TMEM170B: variants seen among roughly 807,000 people sequenced by gnomAD.
TMEM170B encodes the protein transmembrane protein 170B.
A neutral mutation model predicts 13.0 loss-of-function variants in TMEM170B; 6 were observed. The ratio of observed to expected loss-of-function variants is 0.46; its 90% CI spans 0.25 to 0.91. The LOEUF (loss-of-function observed/expected upper bound fraction) is 0.91, where lower values mean the gene tolerates loss of function less well. Ranked by LOEUF, TMEM170B falls within the 40% of genes least tolerant of loss-of-function variation. The pLI is 0.17. For synonymous variants in TMEM170B, 61 were observed against 64.9 expected (o/e 0.94, Z 0.29); for missense variants, 138 against 165.2 (o/e 0.84, Z 0.90).
chr6:11,542,756 C>T (rs1423055655), intron 1 of TMEM170B, among the ~76,000 whole-genome samples: 1 of 152,192 alleles, frequency 6.6e-6, no homozygotes, highest in African/African-American at 2.4e-5. Flanking sequence ...CATTAGTTAA[C>T]AGATGCTGCC....
chr6:11,547,598 G>A (rs143759109), intron 1 of TMEM170B, among the ~76,000 whole-genome samples: 1 of 152,176 alleles, frequency 6.6e-6, no homozygotes, highest in African/African-American at 2.4e-5. Context: ...GCCTTCATAG[G>A]ATTTAACTTC....
intron 1 of TMEM170B, among the ~76,000 whole-genome samples, chr6:11,559,692 T>A (rs142102303): frequency 1.2e-4 from 18 of 152,166 alleles, no homozygotes; most frequent in African/African-American, 4.3e-4. Context: ...AAGTCATTGC[T>A]GTTAGAAAAT....
Position 11,570,936 on chromosome 6 carries a change from G to T in TMEM170B, c.269-4495G>T, listed in dbSNP as rs1024587184. On this transcript the variant is annotated intron_variant, in intron 2 of 2. Coordinates refer to ENST00000379426, the MANE Select transcript of TMEM170B (RefSeq NM_001100829.3). Reference sequence around the variant, plus strand: ...ATGTATCATGAAATGTTAATCTCTGGATTTTAAAAAATCACTTTAAAAATG... The same window carrying T: ...ATGTATCATGAAATGTTAATCTCTGTATTTTAAAAAATCACTTTAAAAATG... Among the ~76,000 whole-genome samples the T allele has an allele frequency of 2.6e-5, 4 of 152,148 alleles. No homozygotes were observed. The Middle Eastern group carries it at 0.01, about 388-fold the overall frequency.
intron 1 of TMEM170B, among the ~76,000 whole-genome samples, chr6:11,539,566 T>C (rs1409083913): frequency 2.0e-5 from 3 of 152,246 alleles, no homozygotes; most frequent in Non-Finnish European, 4.4e-5. Context: ...ATGGAAACTA[T>C]ACAGTTAAAG....
rs550522128 is a variant in TMEM170B, at chr6:11,570,732, C to G, written c.269-4699C>G. ...GAAAATAGAAAGAATAAAAGCTGTGCACAGCTTGTTTGCAGAGGTCAGTGT... is the reference window on the plus strand; with the variant it reads ...GAAAATAGAAAGAATAAAAGCTGTGGACAGCTTGTTTGCAGAGGTCAGTGT... On this transcript the variant is annotated intron_variant, in intron 2 of 2. Transcript: ENST00000379426. Among the ~76,000 whole-genome samples the G allele has an allele frequency of 8.5e-5, 13 of 152,218 alleles. No homozygotes were observed. In the Middle Eastern group the frequency reaches 0.01, roughly 119 times the overall value.
intron 1 of TMEM170B, among the ~76,000 whole-genome samples, chr6:11,544,868 C>T (rs1759409297): frequency 6.6e-6 from 1 of 152,062 alleles, no homozygotes; most frequent in African/African-American, 2.4e-5. Context: ...TCTAAATTCC[C>T]AACCCCAATC....
At chr6:11,545,280 C>CTGTGTGTGTGTGTGTG (rs1210551633) in intron 1 of TMEM170B, among the ~76,000 whole-genome samples, 4,341 of 139,686 alleles carry the variant, frequency 0.031, 108 homozygotes, top group Middle Eastern at 0.059. Flanking sequence ...CTCTCTCTCT[C>CTGTGTGTGTGTGTGTG]TGTGTGTGTG....
rs1248273753 is a variant in TMEM170B, at chr6:11,581,284, A to G, written c.*5723A>G. On this transcript the variant is annotated 3_prime_UTR_variant, in exon 3 of 3. Transcript: ENST00000379426. ...CTAAAAATCTTCCTCCTCTTTCCAT[A>G]CAGATGTCGTATGTTATAGTTTAAA... 1 of 152,202 alleles carries G rather than the reference A, an allele frequency of 6.6e-6. No individual in the cohort carries two copies. Among genetic ancestry groups the G allele is most frequent in the Non-Finnish European group, 1.5e-5 (1 of 68,012 alleles). 9.4% of individuals were successfully genotyped at this position (152,202 alleles called of 1,614,324 possible).
At chr6:11,561,870 T>C (rs1759669708) in intron 1 of TMEM170B, among the ~76,000 whole-genome samples, 1 of 152,356 alleles carries the variant, frequency 6.6e-6, no homozygotes, top group Non-Finnish European at 1.5e-5. Context: ...TTATAAAACA[T>C]TAAACTGAAA....
intron 1 of TMEM170B, among the ~76,000 whole-genome samples, chr6:11,539,653 A>T (rs1759333994): frequency 6.6e-6 from 1 of 152,226 alleles, no homozygotes; most frequent in Admixed American, 6.5e-5. Flanking sequence ...ACTTTACATG[A>T]TGATTGCCGG....
chr6:11,555,170 A>G (rs1759572010), intron 1 of TMEM170B, among the ~76,000 whole-genome samples: 1 of 152,026 alleles, frequency 6.6e-6, no homozygotes, highest in Non-Finnish European at 1.5e-5. Context: ...TTCTGTCTTT[A>G]TAGTTTTTTT....
chr6:11,552,524 T>C (rs1332403317), intron 1 of TMEM170B, among the ~76,000 whole-genome samples: 1 of 152,220 alleles, frequency 6.6e-6, no homozygotes, highest in African/African-American at 2.4e-5. Flanking sequence ...GAAGAGACAG[T>C]CTCTGCCATG....
intron 1 of TMEM170B, among the ~76,000 whole-genome samples, chr6:11,560,702 A>C (rs540162816): frequency 2.8e-5 from 4 of 144,312 alleles, no homozygotes; most frequent in Admixed American, 2.7e-4. Context: ...GATATCATTC[A>C]TCTCATATCT....
At chr6:11,546,768 T>C (rs899123946) in intron 1 of TMEM170B, among the ~76,000 whole-genome samples, 3 of 152,216 alleles carry the variant, frequency 2.0e-5, no homozygotes, top group African/African-American at 7.2e-5. Flanking sequence ...ATATGTTAGC[T>C]TATACCATCT....
chr6:11,567,127 C>T (rs1035293466), intron 2 of TMEM170B, among the ~76,000 whole-genome samples: 11 of 152,224 alleles, frequency 7.2e-5, no homozygotes, highest in Admixed American at 3.9e-4. Context: ...TCCTGCCCCA[C>T]TCCTGACAAC....
rs2113789943 is a variant in TMEM170B at position 11,579,910 on chromosome 6, G to A, written c.*4349G>A. ...CCGGCCCTGGGCCCTTGGCTCTACA[G>A]TGTAGTGCCAATTCTGTAGAAAAAT... On this transcript the variant is annotated 3_prime_UTR_variant, in exon 3 of 3. Coordinates refer to ENST00000379426, the MANE Select transcript of TMEM170B (RefSeq NM_001100829.3). The A allele has an allele frequency of 6.6e-6, 1 of 152,348 alleles. No homozygotes were observed. Among genetic ancestry groups the A allele is most frequent in the Non-Finnish European group, 1.5e-5 (1 of 68,056 alleles). 9.4% of individuals were successfully genotyped at this position (152,348 alleles called of 1,614,324 possible). A position where few individuals can be genotyped will look rare whatever the true frequency, so the allele number is the denominator to read the frequency against.
chr6:11,562,485 T>C (rs888105748), intron 1 of TMEM170B, among the ~76,000 whole-genome samples: 1 of 151,452 alleles, frequency 6.6e-6, no homozygotes, highest in African/African-American at 2.4e-5. Flanking sequence ...TTGAAATAAT[T>C]TCAAATTGCA....
chr6:11,582,322 A>G lies in TMEM170B; in HGVS notation c.*6761A>G, dbSNP rs1759967748. On this transcript the variant is annotated 3_prime_UTR_variant, in exon 3 of 3. Transcript: ENST00000379426. Reference sequence around the variant, plus strand: ...GCTAAATGAAGCCTTAGTGCCTTGAAAGTTAAGATACTTGTGCAAAATGGA... The same window carrying G: ...GCTAAATGAAGCCTTAGTGCCTTGAGAGTTAAGATACTTGTGCAAAATGGA... 1 of 152,202 alleles carries G rather than the reference A, an allele frequency of 6.6e-6. No homozygotes were observed. The highest frequency in any genetic ancestry group is 6.5e-5 in the Admixed American group (1 of 15,278). The allele number at this position is 152,202 out of a possible 1,614,324, so 9.4% of individuals were successfully genotyped here. A position where few individuals can be genotyped will look rare whatever the true frequency, so the allele number is the denominator to read the frequency against.
intron 2 of TMEM170B, among the ~76,000 whole-genome samples, chr6:11,566,374 A>T (rs191514661): frequency 5.3e-5 from 8 of 152,268 alleles, no homozygotes; most frequent in African/African-American, 1.9e-4. Context: ...CTTTTTTCAG[A>T]CAAGTTTTCA....
Sources: gnomAD v4.1 joint callset for allele counts (sites outside exome capture counted in the v4.1 genomes callset) on GRCh38, gnomAD v4.1.1 for gene constraint, MANE v1.5 for transcripts, NCBI Gene and HGNC (gene_info 2026-07-23, HGNC 2026-07-21) for gene names.